OCA2: variants seen among roughly 807,000 people sequenced by gnomAD.
OCA2 encodes P protein.
A neutral mutation model predicts 100.2 loss-of-function variants in OCA2; 77 were observed. The ratio of observed to expected loss-of-function variants is 0.77; its 90% CI spans 0.64 to 0.93. The LOEUF (loss-of-function observed/expected upper bound fraction) is 0.93. Ranked by LOEUF, OCA2 falls within the 40% of genes least tolerant of loss-of-function variation. The pLI, the probability that OCA2 is intolerant of heterozygous loss-of-function variation, is 0.00. For synonymous variants in OCA2, 432 were observed against 439.2 expected (o/e 0.98, Z 0.21); for missense variants, 1,062 against 1,089.1 (o/e 0.98, Z 0.35).
At chr15:28,037,131 G>A (rs966240979) in intron 2 of OCA2, among the ~76,000 whole-genome samples, 2 of 152,000 alleles carry the variant, frequency 1.3e-5, no homozygotes, top group African/African-American at 4.8e-5. Context: ...GAGGGCAGGT[G>A]GCAGATGGCA....
At chr15:27,935,832 A>G (rs1016389311) in intron 18 of OCA2, among the ~76,000 whole-genome samples, 1 of 152,230 alleles carries the variant, frequency 6.6e-6, no homozygotes, top group African/African-American at 2.4e-5. Context: ...TAAAAGATAT[A>G]CTGTACAGTT....
the OCA2 span, among the ~76,000 whole-genome samples, chr15:27,744,267 A>AC: frequency 6.6e-6 from 1 of 152,196 alleles, no homozygotes; most frequent in South Asian, 2.1e-4. Context: ...AAAAGTTGAT[A>AC]AATTCATTAA....
In OCA2 at chr15:28,014,965, G is replaced by A. The variant is rs111487717; in HGVS notation, c.891-36C>T. 5.6e-5 allele frequency: 90 copies of A among 1,612,386 alleles called. 1 individual carries two copies. Among genetic ancestry groups the A allele is most frequent in the South Asian group, 3.9e-4 (35 of 90,718 alleles). On this transcript the variant is annotated intron_variant, in intron 8 of 23. Transcript: ENST00000354638. ...AAACAACGACCTTACTGTTCACAAG[G>A]TCAACAGTTAGGGGACCTCCCTCTG...
At chr15:28,092,008 G>A (rs2044877876) in intron 1 of OCA2, among the ~76,000 whole-genome samples, 1 of 152,096 alleles carries the variant, frequency 6.6e-6, no homozygotes, top group Admixed American at 6.6e-5. Context: ...TAAATAAAAT[G>A]TGGTATATAC....
chr15:27,738,558 A>AC, the OCA2 span, among the ~76,000 whole-genome samples: 1 of 151,996 alleles, frequency 6.6e-6, no homozygotes, highest in South Asian at 2.1e-4. Context: ...ACACGGTGAA[A>AC]CCCCGTCTCT....
chr15:27,922,672 T>C (rs1267769439), intron 19 of OCA2, among the ~76,000 whole-genome samples: 1 of 149,018 alleles, frequency 6.7e-6, no homozygotes, highest in African/African-American at 2.5e-5. Flanking sequence ...TTGTGGTTTT[T>C]TGTTTGGGGT....
intron 21 of OCA2, among the ~76,000 whole-genome samples, chr15:27,853,986 G>A (rs570738334): frequency 1.3e-5 from 2 of 152,350 alleles, no homozygotes; most frequent in South Asian, 4.1e-4. Flanking sequence ...TGAAAGAGGT[G>A]CCTTAGGGCT....
intron 2 of OCA2, among the ~76,000 whole-genome samples, chr15:28,034,101 T>C (rs1028279345): frequency 6.6e-6 from 1 of 152,042 alleles, no homozygotes; most frequent in Non-Finnish European, 1.5e-5. Context: ...CTGGGCAACA[T>C]AGCAAGACCC....
At chr15:27,727,003 A>G in the OCA2 span, among the ~76,000 whole-genome samples, 1 of 152,226 alleles carries the variant, frequency 6.6e-6, no homozygotes, top group African/African-American at 2.4e-5. Flanking sequence ...AGACACAGGC[A>G]TTTGCAAGCT....
chr15:28,015,937 C>T (rs187192978), intron 8 of OCA2, among the ~76,000 whole-genome samples, 167 bp downstream of exon 8: 1 of 152,298 alleles, frequency 6.6e-6, no homozygotes, highest in Admixed American at 6.5e-5. Flanking sequence ...GCTACGATGT[C>T]CTCCCACAGC....
chr15:27,896,503 C>T (rs2037695093), intron 19 of OCA2: 1 of 535,108 alleles, frequency 1.9e-6, no homozygotes, highest in East Asian at 3.4e-5. Context: ...CCCAAAATGT[C>T]CCTTGCTCAA....
the OCA2 span, among the ~76,000 whole-genome samples, chr15:27,729,595 C>T: frequency 3.3e-5 from 5 of 152,138 alleles, no homozygotes; most frequent in African/African-American, 1.2e-4. Flanking sequence ...GCTGGCAGAA[C>T]TCAACAACAG....
At chr15:27,985,359 T>C (rs1037806770) in intron 12 of OCA2, among the ~76,000 whole-genome samples, 171 bp from the exon 13 acceptor site, 1 of 152,128 alleles carries the variant, frequency 6.6e-6, no homozygotes, top group Non-Finnish European at 1.5e-5. Flanking sequence ...GTGCTGGCCA[T>C]CGAAGTTCCT....
At position 27,957,712 on chromosome 15, in the gene OCA2, A is replaced by G. The variant is rs1384042381; in HGVS notation, c.1660T>C (p.Trp554Arg). The change falls in exon 16 of 24, where the codon TGG becomes CGG. Residue 554 changes from tryptophan to arginine, a missense_variant. Physicochemically the swap from Trp to Arg is moderately radical, Grantham distance 101. Transcript: ENST00000354638. This position sits in a 1 kb window ranked among gnomAD's most constrained non-coding sequence, Gnocchi z 4.3. ...IVELKHEIHV[W>R]RLTAQRISPA... ...CTGATGCGCTGAGCAGTCAGGCGCCAGACGTGAATCTCGTGCTTCAGTTCT... is the reference window on the plus strand; with the variant it reads ...CTGATGCGCTGAGCAGTCAGGCGCCGGACGTGAATCTCGTGCTTCAGTTCT... 6.2e-7 allele frequency: 1 copy of G among 1,613,072 alleles called. No individual in the cohort carries two copies. The highest frequency in any genetic ancestry group is 1.3e-5 in the African/African-American group (1 of 74,946).
intron 23 of OCA2, among the ~76,000 whole-genome samples, chr15:27,833,593 A>ATTTC (rs2035040760): frequency 1.3e-5 from 2 of 152,180 alleles, no homozygotes; most frequent in Non-Finnish European, 2.9e-5. Flanking sequence ...AATGGTTGAA[A>ATTTC]TTAAGGATTC....
At chr15:28,090,168 T>C (rs2044848031) in intron 1 of OCA2, among the ~76,000 whole-genome samples, 1 of 152,102 alleles carries the variant, frequency 6.6e-6, no homozygotes, top group East Asian at 1.9e-4. Flanking sequence ...TAAACACATA[T>C]GCACAAAACA....
intron 2 of OCA2, among the ~76,000 whole-genome samples, chr15:28,061,005 C>T (rs1049415499): frequency 6.6e-6 from 1 of 152,218 alleles, no homozygotes; most frequent in African/African-American, 2.4e-5. Flanking sequence ...AACATCACAG[C>T]TTCCTGAGGC....
intron 19 of OCA2, among the ~76,000 whole-genome samples, chr15:27,913,814 A>G (rs1305328333): frequency 2.3e-5 from 2 of 87,448 alleles, no homozygotes; most frequent in Non-Finnish European, 4.6e-5. Flanking sequence ...AAAAAAAAAA[A>G]AGAGAAAGAA....
At chr15:27,767,739 T>C (rs1173542373) in intron 23 of OCA2, among the ~76,000 whole-genome samples, 2 of 148,614 alleles carry the variant, frequency 1.3e-5, no homozygotes, top group Admixed American at 6.8e-5. Flanking sequence ...CTCTGTAAAA[T>C]GGACTAATCA....
Sources: gnomAD v4.1 joint callset for allele counts (sites outside exome capture counted in the v4.1 genomes callset) on GRCh38, gnomAD v4.1.1 for gene constraint, Gnocchi (gnomAD v3.1) non-coding constraint, MANE v1.5 for transcripts, NCBI Gene and HGNC (gene_info 2026-07-23, HGNC 2026-07-21) for gene names.